SRD5A3: variants seen among roughly 807,000 people sequenced by gnomAD.
SRD5A3 encodes steroid 5 alpha-reductase 3.
SRD5A3 carries 24 observed loss-of-function variants against 34.3 expected under a neutral mutation model. The ratio of observed to expected loss-of-function variants is 0.70; its 90% CI spans 0.51 to 0.99. The LOEUF is 0.99. Ranked by LOEUF, SRD5A3 falls within the 50% of genes least tolerant of loss-of-function variation. The probability of loss-of-function intolerance (pLI) is 0.00; values close to 1 mark genes in which losing one functional copy is unlikely to be tolerated. For missense variants in SRD5A3, 350 were observed against 388.2 expected (o/e 0.90, Z 0.83); for synonymous variants, 161 against 167.3 (o/e 0.96, Z 0.29).
intron 1 of SRD5A3, among the ~76,000 whole-genome samples, chr4:55,355,413 G>A (rs966688767): frequency 9.3e-5 from 14 of 151,170 alleles, no homozygotes; most frequent in Non-Finnish European, 1.3e-4. Flanking sequence ...AACCAAGATC[G>A]TGCCACTGCA....
At chr4:55,355,486 T>C (rs566928180) in intron 1 of SRD5A3, among the ~76,000 whole-genome samples, 5 of 144,522 alleles carry the variant, frequency 3.5e-5, no homozygotes, top group African/African-American at 1.3e-4. Context: ...AGAAAATGTA[T>C]AGAGGGAAAT....
Position 55,346,293 on chromosome 4 carries a change from G to A in SRD5A3, c.-44G>A. 1.5e-6 allele frequency: 2 copies of A among 1,361,856 alleles called. No individual in the cohort carries two copies. Among genetic ancestry groups the A allele is most frequent in the Non-Finnish European group, 1.9e-6 (2 of 1,061,484 alleles). 84.4% of individuals were successfully genotyped at this position (1,361,856 alleles called of 1,614,324 possible). ...AGTGGCCGCTCTTCCGCGGGCTAGC[G>A]GGCGGTGGGGGCGCCAGCAGCGCGG... On this transcript the variant is annotated 5_prime_UTR_variant, in exon 1 of 5. Transcript: ENST00000264228.
At chr4:55,353,681 C>G (rs1160154653) in intron 1 of SRD5A3, among the ~76,000 whole-genome samples, 1 of 152,088 alleles carries the variant, frequency 6.6e-6, no homozygotes, top group East Asian at 1.9e-4. Context: ...TCAGCGAGAC[C>G]ACGAACCCAC....
intron 1 of SRD5A3, among the ~76,000 whole-genome samples, chr4:55,348,761 G>A (rs1719084381): frequency 6.6e-6 from 1 of 152,192 alleles, no homozygotes; most frequent in African/African-American, 2.4e-5. Flanking sequence ...TTAGAAGATA[G>A]CAGTTGTGCA....
intron 1 of SRD5A3, among the ~76,000 whole-genome samples, chr4:55,355,492 G>A (rs956201373): frequency 6.6e-6 from 1 of 151,722 alleles, no homozygotes; most frequent in African/African-American, 2.4e-5. Flanking sequence ...TGTATAGAGG[G>A]AAATCAGGCA....
At chr4:55,348,394 A>T (rs769881291) in intron 1 of SRD5A3, among the ~76,000 whole-genome samples, 3 of 152,184 alleles carry the variant, frequency 2.0e-5, no homozygotes, top group African/African-American at 4.8e-5. Flanking sequence ...TAATACATGT[A>T]TTACTCTCTT....
At chr4:55,363,209 G>C (rs751008331) in intron 2 of SRD5A3, among the ~76,000 whole-genome samples, 14 of 152,074 alleles carry the variant, frequency 9.2e-5, no homozygotes, top group Non-Finnish European at 1.9e-4. Flanking sequence ...CCAGCACTTT[G>C]GGAGGCTGAG....
At chr4:55,347,757 G>A (rs966641454) in intron 1 of SRD5A3, among the ~76,000 whole-genome samples, 1 of 152,172 alleles carries the variant, frequency 6.6e-6, no homozygotes, top group African/African-American at 2.4e-5. Flanking sequence ...GATAATCTGC[G>A]AATTTTGACT....
At chr4:55,349,893 T>C (rs62305112) in intron 1 of SRD5A3, among the ~76,000 whole-genome samples, 243 of 152,334 alleles carry the variant, frequency 1.6e-3, no homozygotes, top group Admixed American at 3.5e-3. Context: ...AAATTTAGCA[T>C]TGCCTTAATT....
chr4:55,367,854 C>T (rs1435693561), intron 4 of SRD5A3, 132 bp downstream of exon 4: 49 of 1,182,392 alleles, frequency 4.1e-5, no homozygotes, highest in Non-Finnish European at 6.0e-5. Flanking sequence ...CAAGACACTT[C>T]TCTGGGCCTT....
chr4:55,352,878 G>A (rs1719248649), intron 1 of SRD5A3, among the ~76,000 whole-genome samples: 1 of 152,216 alleles, frequency 6.6e-6, no homozygotes, highest in African/African-American at 2.4e-5. Flanking sequence ...AAATCCAGCA[G>A]GGTTATTTGA....
chr4:55,362,684 C>T (rs1719730609), intron 2 of SRD5A3, among the ~76,000 whole-genome samples: 1 of 151,524 alleles, frequency 6.6e-6, no homozygotes, highest in Admixed American at 6.6e-5. Flanking sequence ...GTCTCAAACT[C>T]CTGGTCTCAA....
chr4:55,363,266 C>T (rs919655948), intron 2 of SRD5A3, among the ~76,000 whole-genome samples: 1 of 151,988 alleles, frequency 6.6e-6, no homozygotes, highest in African/African-American at 2.4e-5. Context: ...GCCTGGGCAA[C>T]AAAAAAAATT....
chr4:55,346,685 G>T (rs1037797754), intron 1 of SRD5A3, 128 bp downstream of exon 1: 35 of 803,968 alleles, frequency 4.4e-5, no homozygotes, highest in Non-Finnish European at 5.9e-5. Context: ...CGGGTTCCCG[G>T]GCGCAGCACG....
Position 55,370,428 on chromosome 4 carries a change from G to C in SRD5A3, c.*337G>C. The stretch of plus-strand genomic sequence containing the variant: ...CCGAAAAACCGAAAATATACAAACA[G>C]CTTCACACACACACACACACACACA... On this transcript the variant is annotated 3_prime_UTR_variant, in exon 5 of 5. Coordinates refer to ENST00000264228, the MANE Select transcript of SRD5A3 (RefSeq NM_024592.5). The C allele has an allele frequency of 3.4e-6, 1 of 296,892 alleles. No individual in the cohort carries two copies. 18.4% of individuals were successfully genotyped at this position (296,892 alleles called of 1,614,324 possible).
At chr4:55,357,447 C>T (rs1034866746) in intron 1 of SRD5A3, among the ~76,000 whole-genome samples, 1 of 152,236 alleles carries the variant, frequency 6.6e-6, no homozygotes, top group Admixed American at 6.5e-5. Context: ...CTCCACGAGG[C>T]TCAGACCATA....
Position 55,351,966 on chromosome 4 carries a change from C to G in SRD5A3, c.221+5409C>G, listed in dbSNP as rs1187693143. ...AATATAAAACTTATGCTGAATTACT[C>G]TCTGTACTAAGAGTCATCTGCTTAG... On this transcript the variant is annotated intron_variant, in intron 1 of 4. Coordinates refer to ENST00000264228, the MANE Select transcript of SRD5A3 (RefSeq NM_024592.5). The G allele has an allele frequency of 8.0e-6, 6 of 749,482 alleles. No individual in the cohort carries two copies. The African/African-American group carries it at 8.6e-5, about 11-fold the overall frequency. The allele number at this position is 749,482 out of a possible 1,614,324, so 46.4% of individuals were successfully genotyped here.
chr4:55,362,215 C>T (rs1231747421), intron 2 of SRD5A3, among the ~76,000 whole-genome samples: 1 of 151,136 alleles, frequency 6.6e-6, no homozygotes, highest in African/African-American at 2.4e-5. Context: ...ACAACCTACC[C>T]CTCCCGGGTT....
chr4:55,369,018 C>T (rs1720019508), intron 4 of SRD5A3, among the ~76,000 whole-genome samples: 1 of 152,174 alleles, frequency 6.6e-6, no homozygotes, highest in Non-Finnish European at 1.5e-5. Flanking sequence ...GGATTACAAG[C>T]ATAAGCTACC....
Sources: allele counts gnomAD v4.1 joint callset (sites outside exome capture counted in the v4.1 genomes callset), GRCh38; gene constraint gnomAD v4.1.1; transcripts MANE v1.5; gene names NCBI Gene and HGNC (gene_info 2026-07-23, HGNC 2026-07-21).